BRAT1: variants seen among roughly 807,000 people sequenced by gnomAD.
BRAT1 encodes BRCA1 associated ATM activator 1.
Under a neutral mutation model 70.6 loss-of-function variants are expected in BRAT1, and 74 were observed. The observed-to-expected ratio is 1.05, with a 90% CI of 0.87 to 1.27. The LOEUF is 1.27. BRAT1 is among the 50% of genes most tolerant of loss of function. The pLI is 0.00. For synonymous variants in BRAT1, 615 were observed against 517.1 expected (o/e 1.19, Z -2.57); for missense variants, 1,203 against 1,098.2 (o/e 1.10, Z -1.35).
chr7:2,552,263 A>G (rs1191867316), intron 2 of BRAT1, among the ~76,000 whole-genome samples: 1 of 150,110 alleles, frequency 6.7e-6, no homozygotes, highest in African/African-American at 2.4e-5. Context: ...GATTACAGGC[A>G]TGGACCACCA....
At chr7:2,539,499 C>A in intron 12 of BRAT1, 45 bp downstream of exon 12, 1 of 1,518,228 alleles carries the variant, frequency 6.6e-7, no homozygotes, top group Non-Finnish European at 8.9e-7. Context: ...CTCAGTGAGC[C>A]CCCCACAGGC....
At chr7:2,545,351 G>T (rs541637851) in intron 3 of BRAT1, among the ~76,000 whole-genome samples, 1 of 92,846 alleles carries the variant, frequency 1.1e-5, no homozygotes, top group Admixed American at 1.5e-4. Flanking sequence ...GTGACACAGC[G>T]AGACTCCATC....
In BRAT1 at chr7:2,537,836, T is replaced by C. The variant is rs959865183; in HGVS notation, c.*233A>G. ...CTTGTCTCAGATCATTATTATTAAA[T>C]TAACTCAAAAAGGGTTAAAGAAAGA... On this transcript the variant is annotated 3_prime_UTR_variant, in exon 14 of 14. Coordinates refer to ENST00000340611, the MANE Select transcript of BRAT1 (RefSeq NM_152743.4). 8 of 588,668 alleles carry C rather than the reference T, an allele frequency of 1.4e-5. No individual in the cohort carries two copies. In the South Asian group the frequency reaches 1.7e-4, roughly 12 times the overall value. 36.5% of individuals were successfully genotyped at this position (588,668 alleles called of 1,614,324 possible).
intron 2 of BRAT1, among the ~76,000 whole-genome samples, chr7:2,552,106 A>ATATATATAT (rs1245262304): frequency 8.4e-4 from 12 of 14,222 alleles, no homozygotes; most frequent in African/African-American, 2.5e-3. Flanking sequence ...ATATATATAT[A>ATATATATAT]TTTTTTTTTT....
At position 2,543,826 on chromosome 7, in the gene BRAT1, A is replaced by G. The variant is rs1562579753; in HGVS notation, c.567T>C (p.Gly189=). Residue 189 remains glycine, a synonymous_variant, in exon 5 of 14, where the codon GGT becomes GGC. Transcript: ENST00000340611. The surrounding 1 kb of genome is among the most constrained non-coding windows in gnomAD (Gnocchi z 5.5). ...TCTTCTGGGCACACGCGGGCCAGTC[A>G]CCCCCCGGCAGGCAGGGCTGCCCCT... ...GAEGQPCLPG[G]DWPACAQKIM... 6.2e-7 allele frequency: 1 copy of G among 1,612,322 alleles called. No homozygotes were observed. Among genetic ancestry groups the G allele is most frequent in the Non-Finnish European group, 8.5e-7 (1 of 1,179,730 alleles).
intron 1 of BRAT1, among the ~76,000 whole-genome samples, chr7:2,554,882 C>T (rs1780299951): frequency 6.6e-6 from 1 of 152,182 alleles, no homozygotes; most frequent in African/African-American, 2.4e-5. Context: ...GTTTCTGTCC[C>T]TCCCAGCGTC....
Position 2,537,987 on chromosome 7 carries a change from C to T in BRAT1, c.*82G>A. On this transcript the variant is annotated 3_prime_UTR_variant, in exon 14 of 14. Transcript: ENST00000340611. Reference sequence around the variant, plus strand: ...GAGGATCCACCGGGCTGGGCTGGAGCCCTGGGGCTGGCAGTGTCCCACAGA... The same window carrying T: ...GAGGATCCACCGGGCTGGGCTGGAGTCCTGGGGCTGGCAGTGTCCCACAGA... The T allele has an allele frequency of 6.9e-7, 1 of 1,447,898 alleles. No homozygotes were observed. The highest frequency in any genetic ancestry group is 9.1e-7 in the Non-Finnish European group (1 of 1,102,306). The allele number at this position is 1,447,898 out of a possible 1,614,324, so 89.7% of individuals were successfully genotyped here.
intron 7 of BRAT1, 26 bp from the exon 8 acceptor site, chr7:2,541,862 C>G (rs1479346049): frequency 1.2e-6 from 2 of 1,605,692 alleles, no homozygotes; most frequent in South Asian, 2.2e-5. Flanking sequence ...GGAAGAGCTC[C>G]CTTAGAGAGC....
chr7:2,554,880 C>T (rs1012302804), intron 1 of BRAT1, among the ~76,000 whole-genome samples: 2 of 152,178 alleles, frequency 1.3e-5, no homozygotes, highest in Non-Finnish European at 2.9e-5. Flanking sequence ...AAGTTTCTGT[C>T]CCTCCCAGCG....
chr7:2,537,963 AG>A lies in BRAT1; in HGVS notation c.*105del. On this transcript the variant is annotated 3_prime_UTR_variant, in exon 14 of 14. Coordinates refer to ENST00000340611, the MANE Select transcript of BRAT1 (RefSeq NM_152743.4). ...TCTCTCCTGGTCCTGGCTTCCCCAG[AG>A]GATCCACCGGGCTGGGCTGGAGCCC... The A allele has an allele frequency of 7.2e-7, 1 of 1,395,152 alleles. No homozygotes were observed. Among genetic ancestry groups the A allele is most frequent in the East Asian group, 2.6e-5 (1 of 38,278 alleles). 86.4% of individuals were successfully genotyped at this position (1,395,152 alleles called of 1,614,324 possible). A position where few individuals can be genotyped will look rare whatever the true frequency, so the allele number is the denominator to read the frequency against.
Position 2,541,829 on chromosome 7 carries a change from C to T in BRAT1, c.1023G>A (p.Leu341=), listed in dbSNP as rs1448650586. 9 of 1,612,744 alleles carry T rather than the reference C, an allele frequency of 5.6e-6. No homozygotes were observed. The South Asian group carries it at 8.8e-5, about 16-fold the overall frequency. The part of the protein sequence containing the change: ...TVQAPGPPGL[L]DGTADDATTV... ...TCGTGGCATCGTCTGCCGTCCCGTC[C>T]AGCAAGCCTGGGGGCCAAGCCAGGA... The change falls in exon 8 of 14, where the codon CTG becomes CTA. Residue 341 remains leucine, a synonymous_variant. Transcript: ENST00000340611.
intron 6 of BRAT1, chr7:2,542,924 G>A: frequency 4.2e-6 from 1 of 236,870 alleles, no homozygotes; most frequent in Admixed American, 5.6e-5. Context: ...GCGGAGCGCA[G>A]GGCGTCGGCA....
Position 2,543,850 on chromosome 7 carries a change from C to T in BRAT1, c.543G>A (p.Glu181=), listed in dbSNP as rs1334385485. ...VLALSMRGGA[E]GQPCLPGGDW... ...CACCCCCCGGCAGGCAGGGCTGCCC[C>T]TCGGCTCCACCTCGCATGGACAAAG... The change falls in exon 5 of 14, where the codon GAG becomes GAA. Residue 181 remains glutamate, a synonymous_variant. Coordinates refer to ENST00000340611, the MANE Select transcript of BRAT1 (RefSeq NM_152743.4). This position sits in a 1 kb window ranked among gnomAD's most constrained non-coding sequence, Gnocchi z 5.5. 6.2e-7 allele frequency: 1 copy of T among 1,612,788 alleles called. No individual in the cohort carries two copies.
Position 2,543,070 on chromosome 7 carries a change from A to C in BRAT1, c.923+134T>G. 1 of 1,187,158 alleles carries C rather than the reference A, an allele frequency of 8.4e-7. No homozygotes were observed. The highest frequency in any genetic ancestry group is 1.2e-6 in the Non-Finnish European group (1 of 859,676). 73.5% of individuals were successfully genotyped at this position (1,187,158 alleles called of 1,614,324 possible). A position where few individuals can be genotyped will look rare whatever the true frequency, so the allele number is the denominator to read the frequency against. On this transcript the variant is annotated intron_variant, in intron 6 of 13. Transcript: ENST00000340611. This position sits in a 1 kb window ranked among gnomAD's most constrained non-coding sequence, Gnocchi z 5.5. The stretch of plus-strand genomic sequence containing the variant: ...GCCGCGCGCAACCCACGCACCACCC[A>C]GTCACACCCCGCACGGCCGCCTGAC...
intron 8 of BRAT1, 37 bp downstream of exon 8, chr7:2,541,681 A>C (rs375825180): frequency 2.0e-4 from 310 of 1,576,268 alleles, no homozygotes; most frequent in Non-Finnish European, 2.6e-4. Context: ...GCCAGCGTGG[A>C]TGCTGCTGGG....
chr7:2,555,305 C>A (rs1344011780), intron 1 of BRAT1, among the ~76,000 whole-genome samples, 182 bp downstream of exon 1: 1 of 152,086 alleles, frequency 6.6e-6, no homozygotes, highest in Non-Finnish European at 1.5e-5. Flanking sequence ...CCGCGAGCGC[C>A]AGGCCCGAGA....
At chr7:2,552,448 C>A (rs1206388140) in intron 2 of BRAT1, among the ~76,000 whole-genome samples, 2 of 151,174 alleles carry the variant, frequency 1.3e-5, no homozygotes, top group South Asian at 2.1e-4. Flanking sequence ...ACAAGGAAGA[C>A]CTAGATATTT....
intron 12 of BRAT1, 22 bp from the exon 13 acceptor site, chr7:2,539,373 T>C: frequency 1.3e-6 from 2 of 1,589,852 alleles, no homozygotes; most frequent in Non-Finnish European, 8.6e-7. Flanking sequence ...AACGGCCACA[T>C]GCAGCTGTGA....
intron 4 of BRAT1, 58 bp downstream of exon 4, chr7:2,544,851 A>C: frequency 1.3e-6 from 2 of 1,536,472 alleles, no homozygotes; most frequent in Non-Finnish European, 1.8e-6. Flanking sequence ...AGGTGCAGTG[A>C]ATTCCCTGGG....
Sources: allele counts gnomAD v4.1 joint callset (sites outside exome capture counted in the v4.1 genomes callset), GRCh38; gene constraint gnomAD v4.1.1; non-coding constraint Gnocchi (gnomAD v3.1); transcripts MANE v1.5; gene names NCBI Gene and HGNC (gene_info 2026-07-23, HGNC 2026-07-21).